The following CFAP92 variants were observed in gnomAD, a reference collection of about 807,000 sequenced individuals.
The protein encoded by CFAP92 is cilia and flagella associated protein 92 (putative).
CFAP92 carries 86 observed loss-of-function variants against 106.3 expected under a neutral mutation model. The ratio of observed to expected loss-of-function variants is 0.81; its 90% CI spans 0.68 to 0.97. The LOEUF is 0.97. CFAP92 is among the 50% of genes least tolerant of loss of function. The pLI is 0.00. For missense variants in CFAP92, 1,204 were observed against 1,283.8 expected, an observed-to-expected ratio of 0.94 and a Z score of 0.95; for synonymous variants, 477 against 506.4, an observed-to-expected ratio of 0.94 and a Z score of 0.78.
At chr3:128,917,691 A>G (rs1369225916) in intron 12 of CFAP92, among the ~76,000 whole-genome samples, 11 of 152,226 alleles carry the variant, frequency 7.2e-5, no homozygotes, top group Non-Finnish European at 1.6e-4. Context: ...AGTATTGAGT[A>G]TGAAAATAGT....
intron 1 of CFAP92, among the ~76,000 whole-genome samples, chr3:128,999,730 G>C (rs1407325834): frequency 1.3e-5 from 2 of 151,568 alleles, no homozygotes; most frequent in African/African-American, 4.9e-5. Flanking sequence ...AGTAGAGATG[G>C]GGGTGGTTCA....
At chr3:128,930,292 A>G (rs944237506) in intron 12 of CFAP92, among the ~76,000 whole-genome samples, 1 of 152,050 alleles carries the variant, frequency 6.6e-6, no homozygotes, top group Non-Finnish European at 1.5e-5. Flanking sequence ...CTGGGACTAC[A>G]GGTGCCCGCC....
intron 4 of CFAP92, among the ~76,000 whole-genome samples, chr3:128,982,524 G>C (rs188843119): frequency 1.3e-5 from 2 of 152,190 alleles, no homozygotes; most frequent in Non-Finnish European, 2.9e-5. Context: ...GTTCACTGGA[G>C]TAGCACGTTT....
In CFAP92 at chr3:128,987,783, TC is replaced by T; in HGVS notation, c.499del (p.Glu167SerfsTer8). ...TGTCACAGTGATATTAAAAGTCTGC[TC>T]CCACGACACCCAGGCTTTGTCACCT... The part of the protein sequence containing the change: ...HEGDKAWVSW[E>X]QTFNITVTKE... On this transcript the variant is annotated frameshift_variant, in exon 4 of 16. Transcript: ENST00000645291. LOFTEE classifies it high-confidence loss of function. 8 of 1,613,578 alleles carry T rather than the reference TC, an allele frequency of 5.0e-6. No individual in the cohort carries two copies. Among genetic ancestry groups the T allele is most frequent in the Non-Finnish European group, 6.8e-6 (8 of 1,179,654 alleles).
chr3:128,912,510 C>A (rs764534561), intron 15 of CFAP92: 1 of 1,613,526 alleles, frequency 6.2e-7, no homozygotes, highest in Admixed American at 1.7e-5. Flanking sequence ...TTCCCAGATG[C>A]TCCAGAAAAC....
chr3:128,979,491 G>A lies in CFAP92; in HGVS notation c.668-1306C>T, dbSNP rs913837409. 6.6e-5 allele frequency among the ~76,000 whole-genome samples: 10 copies of A among 152,166 alleles called. No individual in the cohort carries two copies. In the South Asian group the frequency reaches 1.2e-3, roughly 19 times the overall value. Reference sequence around the variant, plus strand: ...AAATCATGCTGCTGTAAAGACACATGCACACGTATGTTTATTGCAGCACTA... The same window carrying A: ...AAATCATGCTGCTGTAAAGACACATACACACGTATGTTTATTGCAGCACTA... On this transcript the variant is annotated intron_variant, in intron 4 of 15. Coordinates refer to ENST00000645291, the MANE Select transcript of CFAP92 (RefSeq NM_001394090.1).
chr3:129,023,880 C>T, the CFAP92 span, among the ~76,000 whole-genome samples: 1 of 152,202 alleles, frequency 6.6e-6, no homozygotes, highest in Non-Finnish European at 1.5e-5. Flanking sequence ...AATGGTAGGA[C>T]TCAACCCATG....
At chr3:128,985,706 T>C (rs1342260909) in intron 4 of CFAP92, among the ~76,000 whole-genome samples, 6 of 152,198 alleles carry the variant, frequency 3.9e-5, no homozygotes, top group Non-Finnish European at 8.8e-5. Context: ...AAGCATCTGA[T>C]GCAGGTGGTC....
chr3:129,022,076 C>T, the CFAP92 span, among the ~76,000 whole-genome samples: 2 of 152,290 alleles, frequency 1.3e-5, no homozygotes. Context: ...GTGCTGGTGT[C>T]TAAGCATTTA....
upstream of CFAP92, among the ~76,000 whole-genome samples, chr3:128,995,507 C>A (rs573403986): frequency 5.9e-5 from 9 of 152,310 alleles, no homozygotes; most frequent in African/African-American, 2.2e-4. Flanking sequence ...TACAAAGCTA[C>A]TCAGATACAC....
At chr3:128,960,983 A>G (rs1457771434) in intron 9 of CFAP92, among the ~76,000 whole-genome samples, 2 of 152,060 alleles carry the variant, frequency 1.3e-5, no homozygotes, top group African/African-American at 2.4e-5. Context: ...TTCCTTCACT[A>G]TGGGCAACCT....
intron 12 of CFAP92, among the ~76,000 whole-genome samples, chr3:128,929,660 G>A (rs1336624587): frequency 1.3e-5 from 2 of 152,184 alleles, no homozygotes; most frequent in East Asian, 1.9e-4. Flanking sequence ...AGTGAAAGAA[G>A]CCAGACACAA....
chr3:128,911,929 G>A (rs1045503443), intron 15 of CFAP92, among the ~76,000 whole-genome samples: 29 of 152,154 alleles, frequency 1.9e-4, no homozygotes, highest in African/African-American at 6.5e-4. Flanking sequence ...CGTGCTCCCC[G>A]CTCTGTCTGC....
At chr3:128,988,954 C>G in intron 2 of CFAP92, 36 bp from the exon 3 acceptor site, 3 of 1,544,136 alleles carry the variant, frequency 1.9e-6, no homozygotes, top group Non-Finnish European at 2.7e-6. Flanking sequence ...TCGTTTTAAC[C>G]TCATGTGGAA....
chr3:129,002,027 G>C (rs1576685347), intron 1 of CFAP92: 1 of 1,544,526 alleles, frequency 6.5e-7, no homozygotes, highest in Non-Finnish European at 8.7e-7. Context: ...GCCTGGCGCT[G>C]CGCGCCGAGC....
intron 15 of CFAP92, among the ~76,000 whole-genome samples, chr3:128,912,214 C>T (rs936694925): frequency 6.6e-6 from 1 of 152,188 alleles, no homozygotes; most frequent in Non-Finnish European, 1.5e-5. Flanking sequence ...GGTTTCTCCT[C>T]CAGTGGGCTG....
rs1190412305 is a variant in CFAP92 at position 128,992,577 on chromosome 3, T to C, written c.262+466A>G. ...CTCCATCTCAATAAAAAAAGAATTA[T>C]TATTTTTTTTTTTTTTGACAGAGTT... On this transcript the variant is annotated intron_variant, in intron 2 of 15. Transcript: ENST00000645291. Among the ~76,000 whole-genome samples the C allele has an allele frequency of 2.0e-5, 3 of 150,530 alleles. No homozygotes were observed. In the East Asian group the frequency reaches 5.8e-4, roughly 29 times the overall value.
At chr3:128,910,414 C>G (rs1559833626) in intron 15 of CFAP92, 81 bp from the exon 16 acceptor site, 8 of 1,352,958 alleles carry the variant, frequency 5.9e-6, no homozygotes, top group Non-Finnish European at 7.8e-6. Context: ...CTGCACATTG[C>G]CCGCTGTGCT....
At chr3:129,008,076 A>C in the CFAP92 span, among the ~76,000 whole-genome samples, 1 of 152,220 alleles carries the variant, frequency 6.6e-6, no homozygotes, top group South Asian at 2.1e-4. Flanking sequence ...AGTTCCCTTC[A>C]GAGCAGTTTT....
Sources: allele counts gnomAD v4.1 joint callset (sites outside exome capture counted in the v4.1 genomes callset), GRCh38; gene constraint gnomAD v4.1.1; transcripts MANE v1.5; gene names NCBI Gene and HGNC (gene_info 2026-07-23, HGNC 2026-07-21).